Variants in JPH3 observed in about 807,000 individuals in gnomAD.
JPH3 encodes junctophilin-3.
In JPH3, 11 loss-of-function variants were observed where a neutral mutation model predicts 59.6. The ratio of observed to expected loss-of-function variants is 0.18; its 90% CI spans 0.12 to 0.31. The LOEUF is 0.31. JPH3 is among the 10% of genes least tolerant of loss of function. JPH3 has a pLI of 1.00. For synonymous variants in JPH3, 673 were observed against 483.6 expected, an observed-to-expected ratio of 1.39 and a Z score of -5.14; for missense variants, 1,202 against 1,105.7, an observed-to-expected ratio of 1.09 and a Z score of -1.24.
intron 4 of JPH3, among the ~76,000 whole-genome samples, chr16:87,692,829 C>T (rs1034668173): frequency 2.6e-5 from 4 of 152,228 alleles, no homozygotes; most frequent in Admixed American, 6.5e-5. Context: ...GCCACGCCCT[C>T]GCCCACAGCG....
chr16:87,645,394 T>C (rs2032112952), intron 2 of JPH3, among the ~76,000 whole-genome samples: 1 of 152,188 alleles, frequency 6.6e-6, no homozygotes, highest in South Asian at 2.1e-4. Flanking sequence ...CTGTGCTAGC[T>C]AGTAGGGGTG....
chr16:87,695,225 G>C (rs899706065), intron 4 of JPH3: 5 of 436,480 alleles, frequency 1.1e-5, no homozygotes, highest in African/African-American at 1.0e-4. Flanking sequence ...CCCTCACCTG[G>C]TGCCACATGA....
chr16:87,617,962 A>C (rs2031034609), intron 1 of JPH3, among the ~76,000 whole-genome samples: 1 of 152,006 alleles, frequency 6.6e-6, no homozygotes, highest in Non-Finnish European at 1.5e-5. Flanking sequence ...CAGGAGTTTG[A>C]GACCAGCCTG....
In JPH3 at chr16:87,653,336, G is replaced by A. The variant is rs1014691896; in HGVS notation, c.1160+8301G>A. On this transcript the variant is annotated intron_variant, in intron 2 of 4. Coordinates refer to ENST00000284262, the MANE Select transcript of JPH3 (RefSeq NM_020655.4). ...TGCCTTGGGGCCCCTGCCTGTCCCCGCTCTGCTCTCTGCTGTGGCTTGCTG... is the reference window on the plus strand; with the variant it reads ...TGCCTTGGGGCCCCTGCCTGTCCCCACTCTGCTCTCTGCTGTGGCTTGCTG... Among the ~76,000 whole-genome samples the A allele has an allele frequency of 3.9e-5, 6 of 152,280 alleles. No individual in the cohort carries two copies. In the East Asian group the frequency reaches 7.7e-4, roughly 20 times the overall value.
chr16:87,609,714 A>G (rs1235761779), intron 1 of JPH3, among the ~76,000 whole-genome samples: 1 of 152,184 alleles, frequency 6.6e-6, no homozygotes, highest in African/African-American at 2.4e-5. Flanking sequence ...TGTCTGTACC[A>G]GTCAGTGAAA....
At chr16:87,602,433 G>GGGGCGGGGGGCGGGGGGCGGGGGGC (rs2030243485), upstream of JPH3, among the ~76,000 whole-genome samples, 2 of 102,260 alleles carry the variant, frequency 2.0e-5, no homozygotes, top group Non-Finnish European at 3.9e-5. Context: ...GGCGGGGGCG[G>GGGGCGGGGGGCGGGGGGCGGGGGGC]GGGCGGGGGG....
intron 2 of JPH3, among the ~76,000 whole-genome samples, chr16:87,673,713 G>C (rs1362879062): frequency 6.6e-6 from 1 of 152,044 alleles, no homozygotes; most frequent in Non-Finnish European, 1.5e-5. Flanking sequence ...ATCACCTGAG[G>C]TCAGGAGTTC....
At position 87,676,898 on chromosome 16, in the gene JPH3, G is replaced by A. The variant is rs571605462; in HGVS notation, c.1161-7244G>A. On this transcript the variant is annotated intron_variant, in intron 2 of 4. Coordinates refer to ENST00000284262, the MANE Select transcript of JPH3 (RefSeq NM_020655.4). ...TAAAAATACAAAAATTAGGCCAGGCGCGGTGGCGCACGCCTGTAATCCCAG... is the reference window on the plus strand; with the variant it reads ...TAAAAATACAAAAATTAGGCCAGGCACGGTGGCGCACGCCTGTAATCCCAG... Among the ~76,000 whole-genome samples the A allele has an allele frequency of 6.9e-4, 105 of 151,560 alleles. 2 individuals are homozygous for A. The highest frequency in any genetic ancestry group is 2.3e-3 in the African/African-American group (94 of 41,098).
At chr16:87,604,927 G>A (rs888657996) in intron 1 of JPH3, 1 of 449,564 alleles carries the variant, frequency 2.2e-6, no homozygotes, top group Admixed American at 2.4e-5. Context: ...ACCCTGGGGC[G>A]CTGAGGGCCG....
intron 4 of JPH3, among the ~76,000 whole-genome samples, chr16:87,693,187 A>T (rs2033653020): frequency 6.6e-6 from 1 of 152,184 alleles, no homozygotes; most frequent in Non-Finnish European, 1.5e-5. Flanking sequence ...CTCCACTTCC[A>T]TCTGCGCCTC....
At chr16:87,656,753 C>G (rs968002657) in intron 2 of JPH3, among the ~76,000 whole-genome samples, 2 of 152,184 alleles carry the variant, frequency 1.3e-5, no homozygotes, top group Non-Finnish European at 2.9e-5. Flanking sequence ...GTCCGCCTTT[C>G]TCCTCTGCCT....
In JPH3 at chr16:87,644,908, G is replaced by C. The variant is rs144550250; in HGVS notation, c.1033G>C (p.Gly345Arg). 1.9e-6 allele frequency: 3 copies of C among 1,612,832 alleles called. No individual in the cohort carries two copies. The highest frequency in any genetic ancestry group is 2.5e-6 in the Non-Finnish European group (3 of 1,179,926). The change falls in exon 2 of 5, where the codon GGC becomes CGC. Residue 345 changes from glycine (G) to arginine (R), a missense_variant. By Grantham distance (125) the Gly-to-Arg change is moderately radical. Coordinates refer to ENST00000284262, the MANE Select transcript of JPH3 (RefSeq NM_020655.4). ...EGKYKQNILV[G>R]GKRKNLIPLR... is the part of the protein sequence containing the mutation. ...CAAGTACAAGCAGAACATCCTCGTC[G>C]GCGGCAAGCGCAAGAACCTCATCCC...
At chr16:87,679,449 A>G (rs2033231510) in intron 2 of JPH3, among the ~76,000 whole-genome samples, 1 of 152,144 alleles carries the variant, frequency 6.6e-6, no homozygotes, top group African/African-American at 2.4e-5. Flanking sequence ...GGCTCTGCAG[A>G]AGCTTCCCTC....
chr16:87,636,546 C>T (rs954648261), intron 1 of JPH3, among the ~76,000 whole-genome samples: 2 of 152,188 alleles, frequency 1.3e-5, no homozygotes, highest in African/African-American at 4.8e-5. Context: ...AAGCCCTGTC[C>T]CTCACTGCCT....
At position 87,661,271 on chromosome 16, in the gene JPH3, G is replaced by A. The variant is rs564216156; in HGVS notation, c.1160+16236G>A. ...TCTGATTATCCACCCAGATAATCCAGGGTCATCTCTCTCTTTCCTGATCCT... is the reference window on the plus strand; with the variant it reads ...TCTGATTATCCACCCAGATAATCCAAGGTCATCTCTCTCTTTCCTGATCCT... On this transcript the variant is annotated intron_variant, in intron 2 of 4. Transcript: ENST00000284262. 1.1e-3 allele frequency among the ~76,000 whole-genome samples: 171 copies of A among 152,308 alleles called. 1 individual carries two copies. The highest frequency in any genetic ancestry group is 4.0e-3 in the African/African-American group (167 of 41,564).
chr16:87,696,602 T>C lies in JPH3; in HGVS notation c.2189T>C (p.Val730Ala). ...SSTGSAPILV[V>A]MVILLNIGVA... is the part of the protein sequence containing the mutation. ...CAGGGCTCAGCGCCTATCCTGGTGG[T>C]CATGGTGATCTTGCTCAACATCGGA... The change falls in exon 5 of 5, where the codon GTC becomes GCC. Residue 730 changes from valine (V) to alanine (A), a missense_variant. Val to Ala is a moderately conservative substitution (Grantham distance 64). Coordinates refer to ENST00000284262, the MANE Select transcript of JPH3 (RefSeq NM_020655.4). 1 of 1,613,592 alleles carries C rather than the reference T, an allele frequency of 6.2e-7. No individual in the cohort carries two copies.
chr16:87,696,781 C>T lies in JPH3; in HGVS notation c.*121C>T. 1 of 769,376 alleles carries T rather than the reference C, an allele frequency of 1.3e-6. No homozygotes were observed. The allele number at this position is 769,376 out of a possible 1,614,324, so 47.7% of individuals were successfully genotyped here. A position where few individuals can be genotyped will look rare whatever the true frequency, so the allele number is the denominator to read the frequency against. ...CAGCCCAGCGACTTCCAAGTCCTCT[C>T]ACAGAAGAACCACACGATTGGGTAT... On this transcript the variant is annotated 3_prime_UTR_variant, in exon 5 of 5. Transcript: ENST00000284262.
intron 4 of JPH3, chr16:87,695,086 G>A (rs565235386): frequency 1.1e-5 from 4 of 349,284 alleles, no homozygotes; most frequent in East Asian, 1.5e-4. Context: ...GAACTGCTGG[G>A]TCCCCGGTGT....
intron 2 of JPH3, among the ~76,000 whole-genome samples, chr16:87,667,026 G>A (rs996104952): frequency 2.0e-5 from 3 of 152,210 alleles, no homozygotes; most frequent in Non-Finnish European, 2.9e-5. Flanking sequence ...CCCCAGCTCC[G>A]GGCAGAAGCT....
Sources: allele counts gnomAD v4.1 joint callset (sites outside exome capture counted in the v4.1 genomes callset), GRCh38; gene constraint gnomAD v4.1.1; transcripts MANE v1.5; gene names NCBI Gene and HGNC (gene_info 2026-07-23, HGNC 2026-07-21).